Variants in UNC5C observed in about 807,000 individuals in gnomAD.
The protein encoded by UNC5C is netrin receptor UNC5C.
Under a neutral mutation model 99.8 loss-of-function variants are expected in UNC5C, and 47 were observed. The ratio of observed to expected loss-of-function variants is 0.47; its 90% CI spans 0.37 to 0.60. The LOEUF (loss-of-function observed/expected upper bound fraction) is 0.60. UNC5C is among the 20% of genes least tolerant of loss of function. The probability of loss-of-function intolerance (pLI) is 0.00; values close to 1 mark genes in which losing one functional copy is unlikely to be tolerated. For synonymous variants in UNC5C, 487 were observed against 452.2 expected, an observed-to-expected ratio of 1.08 and a Z score of -0.98; for missense variants, 1,062 against 1,165.9, an observed-to-expected ratio of 0.91 and a Z score of 1.30.
chr4:95,381,981 T>A (rs899957671), intron 1 of UNC5C, among the ~76,000 whole-genome samples: 1 of 152,122 alleles, frequency 6.6e-6, no homozygotes, highest in Non-Finnish European at 1.5e-5. Flanking sequence ...GTAGGGTTAC[T>A]AAGGCATCCA....
intron 7 of UNC5C, among the ~76,000 whole-genome samples, chr4:95,225,228 G>C (rs920010156): frequency 6.6e-6 from 1 of 152,000 alleles, no homozygotes; most frequent in African/African-American, 2.4e-5. Context: ...GGCTAATTTT[G>C]GTATTTTTAC....
chr4:95,438,181 C>G (rs1266655546), intron 1 of UNC5C, among the ~76,000 whole-genome samples: 5 of 152,008 alleles, frequency 3.3e-5, no homozygotes, highest in Admixed American at 1.3e-4. Flanking sequence ...AGGGACCACT[C>G]TAGTTTTAAT....
intron 6 of UNC5C, among the ~76,000 whole-genome samples, chr4:95,244,213 G>A (rs1739421925): frequency 6.6e-6 from 1 of 152,160 alleles, no homozygotes; most frequent in South Asian, 2.1e-4. Flanking sequence ...TAAATTTATG[G>A]ATTATTTCAA....
chr4:95,500,186 A>G (rs1721742532), intron 1 of UNC5C, among the ~76,000 whole-genome samples: 1 of 152,124 alleles, frequency 6.6e-6, no homozygotes, highest in African/African-American at 2.4e-5. Context: ...TTAATAGAAC[A>G]TAAATATTAT....
rs192409825 is a variant in UNC5C at position 95,401,232 on chromosome 4, G to T, written c.125-65601C>A. Among the ~76,000 whole-genome samples the T allele has an allele frequency of 3.5e-4, 54 of 152,220 alleles. No individual in the cohort carries two copies. The East Asian group carries it at 7.5e-3, about 21-fold the overall frequency. On this transcript the variant is annotated intron_variant, in intron 1 of 15. Transcript: ENST00000453304. ...GGAGGCATAAATTAGGGGAACTTCA[G>T]GGGGGTATTAAAGCTGTGAGCAAAA...
intron 1 of UNC5C, among the ~76,000 whole-genome samples, chr4:95,481,954 G>T (rs1721170193): frequency 6.6e-6 from 1 of 151,994 alleles, no homozygotes. Context: ...CATGGGCAAG[G>T]ACTTCATGTA....
At chr4:95,268,774 C>G (rs1740547487) in intron 4 of UNC5C, among the ~76,000 whole-genome samples, 1 of 152,246 alleles carries the variant, frequency 6.6e-6, no homozygotes, top group Non-Finnish European at 1.5e-5. Flanking sequence ...TAGAAAACTC[C>G]ACGTCTATCA....
At chr4:95,445,035 A>C (rs145122955) in intron 1 of UNC5C, among the ~76,000 whole-genome samples, 115 of 152,238 alleles carry the variant, frequency 7.6e-4, no homozygotes, top group Admixed American at 1.4e-3. Context: ...GTCATTTCAG[A>C]AGGGAAGGAG....
intron 4 of UNC5C, among the ~76,000 whole-genome samples, chr4:95,267,003 T>C (rs996858101): frequency 2.0e-5 from 3 of 152,194 alleles, no homozygotes; most frequent in Non-Finnish European, 2.9e-5. Flanking sequence ...GATTCCAATG[T>C]TCTTGTATTT....
At chr4:95,542,114 A>C (rs984303015) in intron 1 of UNC5C, among the ~76,000 whole-genome samples, 1 of 152,128 alleles carries the variant, frequency 6.6e-6, no homozygotes, top group African/African-American at 2.4e-5. Context: ...CAACATTTTA[A>C]AATAAGTAAG....
Position 95,548,667 on chromosome 4 carries a change from G to A in UNC5C, c.124+67C>T, listed in dbSNP as rs565410381. 102 of 1,558,714 alleles carry A rather than the reference G, an allele frequency of 6.5e-5. 2 individuals are homozygous for A. In the South Asian group the frequency reaches 1.2e-3, roughly 18 times the overall value. ...TTGAGGAAGTCAAGAGAACTGGGGAGGAGGAGAGGAAGGAGGGAAGGAAGA... is the reference window on the plus strand; with the variant it reads ...TTGAGGAAGTCAAGAGAACTGGGGAAGAGGAGAGGAAGGAGGGAAGGAAGA... On this transcript the variant is annotated intron_variant, in intron 1 of 15. Coordinates refer to ENST00000453304, the MANE Select transcript of UNC5C (RefSeq NM_003728.4).
chr4:95,380,114 T>C (rs1042433288), intron 1 of UNC5C, among the ~76,000 whole-genome samples: 5 of 152,216 alleles, frequency 3.3e-5, no homozygotes, highest in African/African-American at 1.2e-4. Context: ...TCTGTTGTCT[T>C]GATTCGCTGC....
intron 10 of UNC5C, among the ~76,000 whole-genome samples, chr4:95,212,231 A>C (rs898416536): frequency 2.0e-5 from 3 of 149,200 alleles, no homozygotes; most frequent in Non-Finnish European, 4.5e-5. Flanking sequence ...TCCACCAATT[A>C]AAAAAAAAAG....
chr4:95,418,231 G>A (rs1746224649), intron 1 of UNC5C, among the ~76,000 whole-genome samples: 1 of 152,184 alleles, frequency 6.6e-6, no homozygotes. Context: ...TCTTGCTATA[G>A]TGAATAATTT....
intron 4 of UNC5C, among the ~76,000 whole-genome samples, chr4:95,257,885 C>T (rs555100951): frequency 6.1e-4 from 93 of 152,194 alleles, no homozygotes; most frequent in Middle Eastern, 3.4e-3. Context: ...ACATTTATTA[C>T]CATTGTGGCT....
At chr4:95,356,209 AAAAC>A (rs1375991527) in intron 1 of UNC5C, among the ~76,000 whole-genome samples, 1,454 of 106,688 alleles carry the variant, frequency 0.014, 77 homozygotes, top group African/African-American at 0.046. Flanking sequence ...AAAAAAAAAA[AAAAC>A]AAAACAAAAA....
At chr4:95,312,905 A>G (rs1742325396) in intron 2 of UNC5C, among the ~76,000 whole-genome samples, 1 of 152,130 alleles carries the variant, frequency 6.6e-6, no homozygotes, top group Non-Finnish European at 1.5e-5. Context: ...AACTCACCTC[A>G]TCATGGCTCT....
chr4:95,217,288 T>C (rs1415480207), intron 9 of UNC5C, among the ~76,000 whole-genome samples: 1 of 152,068 alleles, frequency 6.6e-6, no homozygotes, highest in East Asian at 1.9e-4. Flanking sequence ...GAAAAAAGAA[T>C]GGAGAGTTAA....
At position 95,269,357 on chromosome 4, in the gene UNC5C, C is replaced by T. The variant is rs542381281; in HGVS notation, c.594+8902G>A. Among the ~76,000 whole-genome samples the T allele has an allele frequency of 3.4e-4, 52 of 152,242 alleles. 1 individual carries two copies. The highest frequency in any genetic ancestry group is 7.9e-4 in the African/African-American group (33 of 41,554). On this transcript the variant is annotated intron_variant, in intron 4 of 15. Transcript: ENST00000453304. ...CAGCTGGAGTGCAGTGGTGTGATGA[C>T]GGCTCACTGCAGCTGTGGCTTCGAC...
Sources: allele counts gnomAD v4.1 joint callset (sites outside exome capture counted in the v4.1 genomes callset), GRCh38; gene constraint gnomAD v4.1.1; transcripts MANE v1.5; gene names NCBI Gene and HGNC (gene_info 2026-07-23, HGNC 2026-07-21).